ZNF385D: variants seen among roughly 807,000 people sequenced by gnomAD.
ZNF385D encodes zinc finger protein 659.
A neutral mutation model predicts 35.8 loss-of-function variants in ZNF385D; 15 were observed. That is an observed-to-expected ratio of 0.42 (90% CI 0.28 to 0.64). The LOEUF is 0.64. Ranked by LOEUF, ZNF385D falls within the 30% of genes least tolerant of loss-of-function variation. The probability of loss-of-function intolerance (pLI) is 0.23; values close to 1 mark genes in which losing one functional copy is unlikely to be tolerated. For missense variants in ZNF385D, 474 were observed against 494.6 expected, an observed-to-expected ratio of 0.96 and a Z score of 0.39; for synonymous variants, 212 against 186.8, an observed-to-expected ratio of 1.13 and a Z score of -1.10.
intron 3 of ZNF385D, among the ~76,000 whole-genome samples, chr3:22,132,384 T>A (rs1043484195): frequency 1.3e-5 from 2 of 152,126 alleles, no homozygotes; most frequent in East Asian, 3.9e-4. Context: ...CTGAGATAAA[T>A]ACATTTCTGC....
intron 2 of ZNF385D, among the ~76,000 whole-genome samples, chr3:22,193,938 A>C (rs1026557388): frequency 6.6e-6 from 1 of 151,998 alleles, no homozygotes; most frequent in African/African-American, 2.4e-5. Context: ...TATCAGCATT[A>C]GGTAGTGCAT....
chr3:21,934,653 T>G (rs1299043908), intron 3 of ZNF385D, among the ~76,000 whole-genome samples: 2 of 152,122 alleles, frequency 1.3e-5, no homozygotes, highest in African/African-American at 4.8e-5. Flanking sequence ...GACTACAAAT[T>G]GATAATGCAA....
At chr3:21,600,172 AAT>A (rs1007783051) in intron 2 of ZNF385D, among the ~76,000 whole-genome samples, 4 of 152,156 alleles carry the variant, frequency 2.6e-5, no homozygotes, top group African/African-American at 9.7e-5. Flanking sequence ...ATAATAAAGA[AAT>A]AACCATAAAA....
At chr3:21,889,668 G>T (rs4089560) in intron 3 of ZNF385D, among the ~76,000 whole-genome samples, 6,561 of 152,246 alleles carry the variant, frequency 0.043, 199 homozygotes, top group South Asian at 0.081. Flanking sequence ...AGAGTACTTG[G>T]GTTTAGGGGA....
intron 3 of ZNF385D, among the ~76,000 whole-genome samples, chr3:22,008,157 A>C (rs1277308401): frequency 1.3e-5 from 2 of 152,084 alleles, no homozygotes; most frequent in African/African-American, 4.8e-5. Context: ...TGGGTGTTGG[A>C]ACCGAAGCTC....
Position 21,539,968 on chromosome 3 carries a change from A to C in ZNF385D, c.276+24606T>G, listed in dbSNP as rs983146311. 6.6e-6 allele frequency among the ~76,000 whole-genome samples: 1 copy of C among 152,186 alleles called. No individual in the cohort carries two copies. The highest frequency in any genetic ancestry group is 2.4e-5 in the African/African-American group (1 of 41,466). On this transcript the variant is annotated intron_variant, in intron 3 of 7. Transcript: ENST00000281523. The surrounding 1 kb of genome is among the most constrained non-coding windows in gnomAD (Gnocchi z 4.0). The stretch of plus-strand genomic sequence containing the variant: ...AAAATAAGATGAAAATTAAAGATAC[A>C]TATTCCCTAGCCCAAGCCAAAACAT...
intron 3 of ZNF385D, among the ~76,000 whole-genome samples, chr3:21,787,405 T>C (rs2071735334): frequency 6.6e-6 from 1 of 152,162 alleles, no homozygotes; most frequent in African/African-American, 2.4e-5. Flanking sequence ...AATAGATGTA[T>C]TTAGTTAAAG....
intron 4 of ZNF385D, among the ~76,000 whole-genome samples, chr3:21,481,508 T>C (rs940624138): frequency 6.6e-6 from 1 of 152,142 alleles, no homozygotes; most frequent in Non-Finnish European, 1.5e-5. Context: ...CCTCATGAGA[T>C]AGACCAGTCT....
At chr3:22,135,960 A>G (rs1261951999) in intron 3 of ZNF385D, among the ~76,000 whole-genome samples, 1 of 152,238 alleles carries the variant, frequency 6.6e-6, no homozygotes, top group Non-Finnish European at 1.5e-5. Flanking sequence ...CACACTTTAT[A>G]TAAAAATCAA....
chr3:21,992,054 T>C (rs909947683), intron 3 of ZNF385D, among the ~76,000 whole-genome samples: 2 of 152,212 alleles, frequency 1.3e-5, no homozygotes, highest in African/African-American at 4.8e-5. Flanking sequence ...CAGTCCTGCC[T>C]TATGTAGTTG....
chr3:21,876,392 A>G (rs1209032337), intron 3 of ZNF385D, among the ~76,000 whole-genome samples: 1 of 151,570 alleles, frequency 6.6e-6, no homozygotes, highest in Non-Finnish European at 1.5e-5. Flanking sequence ...CTAGAGAGCC[A>G]CTGACTGCCT....
At chr3:22,298,459 AATAT>A (rs1042945446) in intron 2 of ZNF385D, among the ~76,000 whole-genome samples, 3 of 124,110 alleles carry the variant, frequency 2.4e-5, no homozygotes, top group Admixed American at 1.7e-4. Flanking sequence ...ATTTATATAT[AATAT>A]ATAAATATAC....
intron 3 of ZNF385D, among the ~76,000 whole-genome samples, chr3:22,101,958 A>G (rs1046155504): frequency 4.6e-5 from 7 of 151,450 alleles, no homozygotes; most frequent in Non-Finnish European, 7.4e-5. Context: ...ACAGAGTCCA[A>G]GTTTCATAGG....
intron 2 of ZNF385D, among the ~76,000 whole-genome samples, chr3:21,636,381 TATA>T (rs2065440346): frequency 7.3e-5 from 1 of 13,718 alleles, no homozygotes; most frequent in East Asian, 1.2e-3. Flanking sequence ...TATATGATTA[TATA>T]TATATATATA....
chr3:22,186,341 A>G (rs1429007422), intron 2 of ZNF385D, among the ~76,000 whole-genome samples: 3 of 152,190 alleles, frequency 2.0e-5, no homozygotes, highest in Non-Finnish European at 4.4e-5. Context: ...AGAGACATGA[A>G]GAAATACTGA....
At chr3:21,755,238 A>T (rs529542521), upstream of ZNF385D, among the ~76,000 whole-genome samples, 1 of 152,228 alleles carries the variant, frequency 6.6e-6, no homozygotes, top group East Asian at 1.9e-4. Flanking sequence ...AGTGTTCCTG[A>T]TTTCAGACTT....
chr3:21,534,967 A>G (rs1309322295), intron 3 of ZNF385D, among the ~76,000 whole-genome samples: 3 of 152,186 alleles, frequency 2.0e-5, no homozygotes, highest in Admixed American at 1.3e-4. Context: ...AAGAAATACT[A>G]TAGTAAGTTT....
chr3:21,550,775 C>G (rs1249275099), intron 3 of ZNF385D, among the ~76,000 whole-genome samples: 2 of 152,162 alleles, frequency 1.3e-5, no homozygotes, highest in Non-Finnish European at 2.9e-5. Flanking sequence ...GCCACCACTC[C>G]CAGCTGATCT....
At chr3:22,269,702 G>T (rs191551058) in intron 2 of ZNF385D, among the ~76,000 whole-genome samples, 7 of 151,890 alleles carry the variant, frequency 4.6e-5, no homozygotes, top group South Asian at 2.1e-4. Context: ...AAATATAATT[G>T]ATCATTCTCT....
Sources: gnomAD v4.1 joint callset for allele counts (sites outside exome capture counted in the v4.1 genomes callset) on GRCh38, gnomAD v4.1.1 for gene constraint, Gnocchi (gnomAD v3.1) non-coding constraint, MANE v1.5 for transcripts, NCBI Gene and HGNC (gene_info 2026-07-23, HGNC 2026-07-21) for gene names.